Variants in RGPD4 observed in about 807,000 individuals in gnomAD.
RGPD4 encodes ranBP2-like and GRIP domain-containing protein 4.
Under a neutral mutation model 141.1 loss-of-function variants are expected in RGPD4, and 84 were observed. The ratio of observed to expected loss-of-function variants is 0.60; its 90% CI spans 0.50 to 0.71. The LOEUF (loss-of-function observed/expected upper bound fraction) is 0.71. Ranked by LOEUF, RGPD4 falls within the 30% of genes least tolerant of loss-of-function variation. The pLI, the probability that RGPD4 is intolerant of heterozygous loss-of-function variation, is 0.00. For missense variants in RGPD4, 918 were observed against 1,622.4 expected (o/e 0.57, Z 7.46); for synonymous variants, 298 against 566.8 (o/e 0.53, Z 6.74).
At chr2:107,876,547 C>T (rs1360884220) in intron 20 of RGPD4, among the ~76,000 whole-genome samples, 1 of 151,160 alleles carries the variant, frequency 6.6e-6, no homozygotes, top group African/African-American at 2.4e-5. Context: ...ACCAATATAG[C>T]TTCTTTGCTT....
At chr2:107,878,272 C>T (rs1683148838) in intron 20 of RGPD4, among the ~76,000 whole-genome samples, 1 of 151,632 alleles carries the variant, frequency 6.6e-6, no homozygotes, top group Non-Finnish European at 1.5e-5. Context: ...CACACTTAAC[C>T]TTTAAAAAAA....
At chr2:107,847,098 C>T (rs370732970) in intron 6 of RGPD4, among the ~76,000 whole-genome samples, 19 of 148,664 alleles carry the variant, frequency 1.3e-4, no homozygotes, top group Admixed American at 2.7e-4. Flanking sequence ...AAAAATTAGC[C>T]GGGCATGTTG....
intron 1 of RGPD4, among the ~76,000 whole-genome samples, chr2:107,829,811 G>A (rs1681408263): frequency 6.6e-6 from 1 of 152,088 alleles, no homozygotes; most frequent in Non-Finnish European, 1.5e-5. Flanking sequence ...TGGCCCCGTA[G>A]TACCCGCGCA....
intron 6 of RGPD4, among the ~76,000 whole-genome samples, chr2:107,844,184 C>G (rs1343833862): frequency 2.0e-5 from 3 of 151,902 alleles, no homozygotes; most frequent in Admixed American, 6.6e-5. Context: ...CAAAATAACT[C>G]AACTATGTGA....
chr2:107,834,647 T>A (rs1264541073), intron 1 of RGPD4, among the ~76,000 whole-genome samples: 1 of 150,676 alleles, frequency 6.6e-6, no homozygotes, highest in Non-Finnish European at 1.5e-5. Flanking sequence ...AGAGTAGCGA[T>A]GCTGGCAGTT....
rs1356046040 is a variant in RGPD4, at chr2:107,829,588, G to A, written c.72+2503G>A. 2.0e-5 allele frequency among the ~76,000 whole-genome samples: 3 copies of A among 150,068 alleles called. 1 individual carries two copies. Among genetic ancestry groups the A allele is most frequent in the Admixed American group, 6.6e-5 (1 of 15,148 alleles). ...CGATGGCTCAGGCGTCATGGCTCCC[G>A]ACGGGCGCTGCTCCCAGGCGGGCTC... is the stretch of plus-strand genomic sequence containing the variant. On this transcript the variant is annotated intron_variant, in intron 1 of 22. Coordinates refer to ENST00000408999, the MANE Select transcript of RGPD4 (RefSeq NM_182588.3).
At chr2:107,883,794 T>G (rs1216654929) in intron 22 of RGPD4, among the ~76,000 whole-genome samples, 1 of 152,060 alleles carries the variant, frequency 6.6e-6, no homozygotes, top group African/African-American at 2.4e-5. Flanking sequence ...TCATTTTTGT[T>G]TTAGTTTTAA....
chr2:107,856,441 GA>G (rs1215163657), intron 8 of RGPD4, among the ~76,000 whole-genome samples: 27 of 152,322 alleles, frequency 1.8e-4, no homozygotes, highest in African/African-American at 5.8e-4. Flanking sequence ...CAGAGAATAA[GA>G]GCTTGTCCCT....
chr2:107,882,150 G>C (rs1488531722), intron 21 of RGPD4, among the ~76,000 whole-genome samples: 1 of 151,838 alleles, frequency 6.6e-6, no homozygotes, highest in Non-Finnish European at 1.5e-5. Context: ...ATGATACCCT[G>C]TGCTTCTGAG....
rs748399345 is a variant in RGPD4, at chr2:107,836,609, C to T, written c.80C>T (p.Thr27Met). The change falls in exon 2 of 23, where the codon ACG (threonine) becomes ATG (methionine). Residue 27 changes from threonine to methionine, a missense_variant. Transcript: ENST00000408999. ...GSAPSPRKKSTRGFYFAKLYY... is the reference protein window; with the variant it reads ...GSAPSPRKKSMRGFYFAKLYY... ...ACTTTTAATTTTTTTTAGAAGTCAA[C>T]GAGAGGATTCTATTTTGCAAAGCTG... 191 of 1,491,924 alleles carry T rather than the reference C, an allele frequency of 1.3e-4. No individual in the cohort carries two copies. The highest frequency in any genetic ancestry group is 1.8e-4 in the East Asian group (8 of 43,530). The allele number at this position is 1,491,924 out of a possible 1,614,324, so 92.4% of individuals were successfully genotyped here. A position where few individuals can be genotyped will look rare whatever the true frequency, so the allele number is the denominator to read the frequency against.
At chr2:107,882,433 A>C (rs918576478) in intron 21 of RGPD4, among the ~76,000 whole-genome samples, 1 of 151,548 alleles carries the variant, frequency 6.6e-6, no homozygotes, top group Admixed American at 6.6e-5. Context: ...GCAGCTTTGA[A>C]ACTATCTCAT....
Position 107,860,587 on chromosome 2 carries a change from G to A in RGPD4, c.1759-179G>A, listed in dbSNP as rs1573502984. 4.0e-5 allele frequency among the ~76,000 whole-genome samples: 6 copies of A among 148,268 alleles called. 1 individual carries two copies. Among genetic ancestry groups the A allele is most frequent in the Admixed American group, 3.3e-4 (5 of 15,076 alleles). ...GAACCTGCACGGCAGAGGTTGCAGTGAGTTCACTGGTATTAAGGTGGTTTA... is the reference window on the plus strand; with the variant it reads ...GAACCTGCACGGCAGAGGTTGCAGTAAGTTCACTGGTATTAAGGTGGTTTA... On this transcript the variant is annotated intron_variant, in intron 12 of 22. Transcript: ENST00000408999.
chr2:107,847,040 G>A (rs1681977601), intron 6 of RGPD4, among the ~76,000 whole-genome samples: 1 of 151,164 alleles, frequency 6.6e-6, no homozygotes, highest in African/African-American at 2.4e-5. Context: ...AGGAGATCGA[G>A]ACCATCCCAG....
In RGPD4 at chr2:107,885,599, C is replaced by G. The variant is rs1030729316; in HGVS notation, c.5266+2726C>G. 8.5e-5 allele frequency among the ~76,000 whole-genome samples: 13 copies of G among 152,178 alleles called. 2 individuals are homozygous for G. Among genetic ancestry groups the G allele is most frequent in the African/African-American group, 3.1e-4 (13 of 41,512 alleles). ...ACTCTAAGATGTGCATTTGGTAAGT[C>G]CTGTAAACAGACAGGAAAACACATT... On this transcript the variant is annotated intron_variant, in intron 22 of 22. Coordinates refer to ENST00000408999, the MANE Select transcript of RGPD4 (RefSeq NM_182588.3).
intron 8 of RGPD4, among the ~76,000 whole-genome samples, chr2:107,856,050 A>C (rs1682296857): frequency 7.1e-6 from 1 of 140,254 alleles, no homozygotes; most frequent in African/African-American, 3.0e-5. Flanking sequence ...GCCTGGAAAT[A>C]ATTCTTTTTT....
chr2:107,857,277 C>A (rs140903173), intron 9 of RGPD4, among the ~76,000 whole-genome samples: 2,415 of 151,674 alleles, frequency 0.016, 130 homozygotes, highest in African/African-American at 0.055. Context: ...AGCGGGATTA[C>A]AAATGCCCAC....
At chr2:107,831,865 C>T (rs1573462160) in intron 1 of RGPD4, among the ~76,000 whole-genome samples, 1 of 130,594 alleles carries the variant, frequency 7.7e-6, no homozygotes, top group Non-Finnish European at 1.6e-5. Flanking sequence ...GCCACCGGGC[C>T]GGGCCCCATT....
At chr2:107,881,549 C>CT (rs1306345393) in intron 21 of RGPD4, among the ~76,000 whole-genome samples, 1 of 151,302 alleles carries the variant, frequency 6.6e-6, no homozygotes, top group African/African-American at 2.5e-5. Context: ...ATCTCCTGAC[C>CT]TCGTGATCTG....
At chr2:107,844,830 G>GT (rs1222283120) in intron 6 of RGPD4, among the ~76,000 whole-genome samples, 2,333 of 26,236 alleles carry the variant, frequency 0.089, 360 homozygotes, top group Middle Eastern at 0.2. Context: ...TTTCTTTTTT[G>GT]TTTTTTTTTT....
Sources: allele counts gnomAD v4.1 joint callset (sites outside exome capture counted in the v4.1 genomes callset), GRCh38; gene constraint gnomAD v4.1.1; transcripts MANE v1.5; gene names NCBI Gene and HGNC (gene_info 2026-07-23, HGNC 2026-07-21).